Variants in VPS8 observed in about 807,000 individuals in gnomAD.
VPS8 encodes VPS8 subunit of CORVET complex, also known as vacuolar protein sorting-associated protein 8 homolog.
Under a neutral mutation model 216.4 loss-of-function variants are expected in VPS8, and 129 were observed. That is an observed-to-expected ratio of 0.60 (90% confidence interval 0.52 to 0.69). The LOEUF is 0.69. Ranked by LOEUF, VPS8 falls within the 30% of genes least tolerant of loss-of-function variation. The pLI is 0.00. For missense variants in VPS8, 1,531 were observed against 1,683.5 expected, an observed-to-expected ratio of 0.91 and a Z score of 1.59; for synonymous variants, 571 against 565.4, an observed-to-expected ratio of 1.01 and a Z score of -0.14.
chr3:184,932,235 A>C (rs1423546269), intron 34 of VPS8, among the ~76,000 whole-genome samples: 1 of 152,142 alleles, frequency 6.6e-6, no homozygotes, highest in Non-Finnish European at 1.5e-5. Flanking sequence ...TTTATAGCTT[A>C]GTGGTTCTTA....
intron 47 of VPS8, among the ~76,000 whole-genome samples, chr3:185,049,715 C>T (rs965729321): frequency 3.3e-5 from 5 of 152,262 alleles, no homozygotes; most frequent in South Asian, 2.1e-4. Context: ...TCTAGGTGGT[C>T]CCATTTGTTC....
chr3:184,849,107 C>G lies in VPS8; in HGVS notation c.578C>G (p.Thr193Ser), dbSNP rs757431768. 3.1e-6 allele frequency: 5 copies of G among 1,613,356 alleles called. No individual in the cohort carries two copies. The Admixed American group carries it at 6.7e-5, about 22-fold the overall frequency. Residue 193 changes from threonine (T) to serine (S), a missense_variant, in exon 9 of 48, where the codon ACT becomes AGT. By Grantham distance (58) the Thr-to-Ser change is moderately conservative. Transcript: ENST00000625842. ...NQALRLCLGS[T>S]SVGGQYGAIS... ...GCTTTGCGACTCTGTCTGGGTAGCA[C>G]TAGTGTTGGAGGTCAGTATGGCGCT...
rs146787139 is a variant in VPS8, at chr3:184,859,909, G to A, written c.1144-76G>A. The stretch of plus-strand genomic sequence containing the variant: ...ATAATGGGTAAATGTGATACTCTAG[G>A]TGGAGTATAATTAAATATCTAAAAA... On this transcript the variant is annotated intron_variant, in intron 14 of 47. Transcript: ENST00000625842. The A allele has an allele frequency of 1.9e-3, 1,971 of 1,024,604 alleles. 7 individuals are homozygous for A. The highest frequency in any genetic ancestry group is 2.5e-3 in the Non-Finnish European group (1,694 of 671,934). The allele number at this position is 1,024,604 out of a possible 1,614,324, so 63.5% of individuals were successfully genotyped here.
intron 28 of VPS8, among the ~76,000 whole-genome samples, chr3:184,918,675 C>G (rs898136102): frequency 1.3e-5 from 2 of 152,194 alleles, no homozygotes; most frequent in Non-Finnish European, 2.9e-5. Context: ...CTTGCTGTCA[C>G]TGCCGTAGTT....
intron 20 of VPS8, among the ~76,000 whole-genome samples, chr3:184,870,431 G>A (rs769582073): frequency 7.2e-5 from 11 of 152,152 alleles, no homozygotes; most frequent in Non-Finnish European, 1.2e-4. Context: ...CACCTACAGC[G>A]AGGATTACTG....
chr3:184,913,163 A>G (rs1317590693), intron 25 of VPS8, among the ~76,000 whole-genome samples: 2 of 152,248 alleles, frequency 1.3e-5, no homozygotes, highest in Non-Finnish European at 2.9e-5. Context: ...ATAAGAAGAC[A>G]GTATGGTTAT....
chr3:184,929,688 CTT>C (rs1206331284), intron 33 of VPS8, 24 bp downstream of exon 33: 1 of 1,376,278 alleles, frequency 7.3e-7, no homozygotes, highest in East Asian at 2.8e-5. Context: ...CTGCTTTACT[CTT>C]TTTTCTTACT....
At chr3:184,865,508 G>A (rs1467001431) in intron 16 of VPS8, among the ~76,000 whole-genome samples, 1 of 152,096 alleles carries the variant, frequency 6.6e-6, no homozygotes, top group Non-Finnish European at 1.5e-5. Context: ...AACATCATTA[G>A]GTATTAGGGA....
chr3:184,849,872 C>A, intron 9 of VPS8, 64 bp from the exon 10 acceptor site: 2 of 1,205,246 alleles, frequency 1.7e-6, no homozygotes, highest in Non-Finnish European at 2.4e-6. Flanking sequence ...AGCCAGAAGG[C>A]AGGATACTTA....
chr3:185,045,450 TC>T (rs753507230), intron 46 of VPS8, among the ~76,000 whole-genome samples: 2 of 152,226 alleles, frequency 1.3e-5, no homozygotes, highest in Non-Finnish European at 2.9e-5. Flanking sequence ...ATGGTTGTTT[TC>T]CTATATCAGA....
chr3:184,957,769 A>G (rs1745858684), intron 37 of VPS8, among the ~76,000 whole-genome samples: 1 of 152,218 alleles, frequency 6.6e-6, no homozygotes, highest in Admixed American at 6.5e-5. Flanking sequence ...GCAGTGGCTT[A>G]GGGGCTTTGC....
chr3:185,003,459 C>A (rs1384934180), intron 45 of VPS8, among the ~76,000 whole-genome samples: 8 of 144,532 alleles, frequency 5.5e-5, no homozygotes, highest in Non-Finnish European at 1.2e-4. Context: ...TCAGAGAGCA[C>A]AGGGTTGGGG....
At position 185,052,166 on chromosome 3, in the gene VPS8, C is replaced by A; in HGVS notation, c.*141C>A. The A allele has an allele frequency of 1.2e-6, 1 of 859,104 alleles. No homozygotes were observed. Among genetic ancestry groups the A allele is most frequent in the Non-Finnish European group, 1.7e-6 (1 of 582,422 alleles). 53.2% of individuals were successfully genotyped at this position (859,104 alleles called of 1,614,324 possible). On this transcript the variant is annotated 3_prime_UTR_variant, in exon 48 of 48. Coordinates refer to ENST00000625842, the MANE Select transcript of VPS8 (RefSeq NM_001009921.3). ...CCAAATTGGGCTTCTGTGCCCAGAG[C>A]GTCCACAGCACCATTCCCAGTGTAG... is the stretch of plus-strand genomic sequence containing the variant.
chr3:184,920,049 T>C (rs1738340636), intron 28 of VPS8, 78 bp from the exon 29 acceptor site: 4 of 1,043,240 alleles, frequency 3.8e-6, no homozygotes, highest in Non-Finnish European at 5.5e-6. Flanking sequence ...TGGATTTTAT[T>C]AACAAGAATT....
chr3:185,049,423 C>T (rs1713690177), intron 47 of VPS8, among the ~76,000 whole-genome samples: 1 of 152,186 alleles, frequency 6.6e-6, no homozygotes, highest in South Asian at 2.1e-4. Flanking sequence ...CACTCCTCAC[C>T]TTCCTGCCAC....
rs74522731 is a variant in VPS8 at position 184,928,603 on chromosome 3, T to C, written c.2714+70T>C. On this transcript the variant is annotated intron_variant, in intron 32 of 47. Coordinates refer to ENST00000625842, the MANE Select transcript of VPS8 (RefSeq NM_001009921.3). ...AAATTATATTTCTTTAACTTAAAGC[T>C]CAGTTTATTGATACATTGCTGCTTT... is the stretch of plus-strand genomic sequence containing the variant. 7,683 of 1,158,556 alleles carry C rather than the reference T, an allele frequency of 6.6e-3. 400 individuals are homozygous for C. In the African/African-American group the frequency reaches 0.11, roughly 16 times the overall value. 71.8% of individuals were successfully genotyped at this position (1,158,556 alleles called of 1,614,324 possible).
At chr3:185,028,593 GA>G (rs1757701392) in intron 46 of VPS8, among the ~76,000 whole-genome samples, 1 of 152,168 alleles carries the variant, frequency 6.6e-6, no homozygotes, top group African/African-American at 2.4e-5. Context: ...TAAGAAAAAA[GA>G]TCCTAACCCT....
chr3:184,892,232 T>A (rs183024902), intron 22 of VPS8, among the ~76,000 whole-genome samples: 143 of 152,312 alleles, frequency 9.4e-4, no homozygotes, highest in Admixed American at 1.1e-3. Flanking sequence ...GTCTTTTTTT[T>A]AATTTTATTT....
In VPS8 at chr3:184,862,999, G is replaced by A. The variant is rs1029647363; in HGVS notation, c.1327G>A (p.Val443Ile). The A allele has an allele frequency of 1.2e-6, 2 of 1,613,664 alleles. No individual in the cohort carries two copies. Among genetic ancestry groups the A allele is most frequent in the African/African-American group, 2.7e-5 (2 of 74,876 alleles). ...ATTGGAGACAGTGGAGATCTCAGAAGTTCAGCTGGTCTACAATAGCAGCCA... is the reference window on the plus strand; with the variant it reads ...ATTGGAGACAGTGGAGATCTCAGAAATTCAGCTGGTCTACAATAGCAGCCA... ...EELETVEISE[V>I]QLVYNSSHFK... is the part of the protein sequence containing the mutation. Residue 443 changes from valine (V) to isoleucine (I), a missense_variant, in exon 16 of 48, where the codon GTT becomes ATT. Physicochemically the swap from Val to Ile is conservative, Grantham distance 29. Transcript: ENST00000625842.
Sources: gnomAD v4.1 joint callset for allele counts (sites outside exome capture counted in the v4.1 genomes callset) on GRCh38, gnomAD v4.1.1 for gene constraint, MANE v1.5 for transcripts, NCBI Gene and HGNC (gene_info 2026-07-23, HGNC 2026-07-21) for gene names.